Variants in RSU1 observed in about 807,000 individuals in gnomAD.
The protein encoded by RSU1 is Ras suppressor protein 1, also known as rsu-1.
Under a neutral mutation model 31.1 loss-of-function variants are expected in RSU1, and 26 were observed. The ratio of observed to expected loss-of-function variants is 0.84; its 90% CI spans 0.61 to 1.16. RSU1 has a LOEUF of 1.16. Ranked by LOEUF, RSU1 falls within the 50% of genes most tolerant of loss-of-function variation. The pLI is 0.00. For synonymous variants in RSU1, 164 were observed against 136.3 expected, an observed-to-expected ratio of 1.20 and a Z score of -1.41; for missense variants, 320 against 339.1, an observed-to-expected ratio of 0.94 and a Z score of 0.44.
At chr10:16,692,512 A>G (rs1411375255) in intron 8 of RSU1, among the ~76,000 whole-genome samples, 1 of 152,214 alleles carries the variant, frequency 6.6e-6, no homozygotes, top group Admixed American at 6.5e-5. Context: ...TTTTCTGTAT[A>G]CTATCATATA....
At chr10:16,794,660 C>A (rs1365750399) in intron 2 of RSU1, among the ~76,000 whole-genome samples, 3 of 152,158 alleles carry the variant, frequency 2.0e-5, no homozygotes, top group Non-Finnish European at 4.4e-5. Flanking sequence ...ATTCCACGGG[C>A]CAGCAGAATC....
rs1398675060 is a variant in RSU1, at chr10:16,624,696, G to C, written c.732-31200C>G. ...CTTTGACCTCTCTCTCTGAAATACT[G>C]GCTCTCTATCTGTGCACACTCTTTG... On this transcript the variant is annotated intron_variant, in intron 8 of 8. Transcript: ENST00000345264. Among the ~76,000 whole-genome samples the C allele has an allele frequency of 2.6e-5, 4 of 152,002 alleles. No homozygotes were observed. In the East Asian group the frequency reaches 7.7e-4, roughly 29 times the overall value.
At chr10:16,656,426 T>A (rs1278458942) in intron 8 of RSU1, among the ~76,000 whole-genome samples, 1 of 152,222 alleles carries the variant, frequency 6.6e-6, no homozygotes, top group Non-Finnish European at 1.5e-5. Flanking sequence ...TTGTTTCCAA[T>A]TGTTAGTATT....
chr10:16,658,584 C>T (rs113298171), intron 8 of RSU1, among the ~76,000 whole-genome samples: 3,327 of 152,038 alleles, frequency 0.022, 121 homozygotes, highest in African/African-American at 0.073. Context: ...ATTAACCGAG[C>T]GTGGTGGCAG....
intron 8 of RSU1, among the ~76,000 whole-genome samples, chr10:16,605,971 A>C (rs374698781): frequency 1.3e-5 from 2 of 151,572 alleles, no homozygotes; most frequent in South Asian, 4.2e-4. Context: ...ATTTTTTTTC[A>C]TAAACACCTG....
chr10:16,747,440 A>T (rs1385941630), intron 7 of RSU1, among the ~76,000 whole-genome samples: 7 of 152,038 alleles, frequency 4.6e-5, no homozygotes, highest in African/African-American at 1.7e-4. Context: ...TCCCTCTCCT[A>T]ATCTACTCTT....
At chr10:16,718,423 T>G (rs898367556) in intron 7 of RSU1, among the ~76,000 whole-genome samples, 1 of 152,224 alleles carries the variant, frequency 6.6e-6, no homozygotes, top group African/African-American at 2.4e-5. Context: ...ATTTATCATT[T>G]TATTTGATTA....
chr10:16,810,667 C>T (rs551763091), intron 2 of RSU1, among the ~76,000 whole-genome samples: 5 of 152,264 alleles, frequency 3.3e-5, no homozygotes, highest in South Asian at 2.1e-4. Context: ...CCATCACCAA[C>T]GTTTCCAAGA....
chr10:16,791,819 G>A (rs1249794943), intron 2 of RSU1, among the ~76,000 whole-genome samples: 1 of 152,120 alleles, frequency 6.6e-6, no homozygotes, highest in South Asian at 2.1e-4. Context: ...AGCCCTGTAA[G>A]ATGACATTAC....
At chr10:16,617,510 A>G (rs902385894) in intron 8 of RSU1, among the ~76,000 whole-genome samples, 1 of 152,194 alleles carries the variant, frequency 6.6e-6, no homozygotes, top group Non-Finnish European at 1.5e-5. Context: ...TGGAACCAAA[A>G]AAGAGCCCAT....
At chr10:16,620,921 G>C (rs754477321) in intron 8 of RSU1, among the ~76,000 whole-genome samples, 1 of 151,680 alleles carries the variant, frequency 6.6e-6, no homozygotes, top group Non-Finnish European at 1.5e-5. Flanking sequence ...TTTCCATTTT[G>C]AACAACAATG....
chr10:16,737,137 G>A (rs573018937), intron 7 of RSU1, among the ~76,000 whole-genome samples: 2 of 152,012 alleles, frequency 1.3e-5, no homozygotes, highest in East Asian at 3.9e-4. Flanking sequence ...TAAGTTCTAG[G>A]AGAGGAGAGA....
intron 2 of RSU1, among the ~76,000 whole-genome samples, chr10:16,789,574 GA>G (rs1291783458): frequency 3.3e-5 from 5 of 152,186 alleles, no homozygotes; most frequent in Non-Finnish European, 7.3e-5. Context: ...TGAGCTGTTA[GA>G]AAAGAAGGGA....
intron 2 of RSU1, among the ~76,000 whole-genome samples, chr10:16,795,353 C>CAAAAAAAAAAAAAA (rs532677802): frequency 1.3e-5 from 1 of 75,238 alleles, no homozygotes; most frequent in Non-Finnish European, 2.7e-5. Context: ...GACTCCATCT[C>CAAAAAAAAAAAAAA]AAAAAAAAAA....
chr10:16,634,949 C>T (rs2131495056), intron 8 of RSU1, among the ~76,000 whole-genome samples: 1 of 152,136 alleles, frequency 6.6e-6, no homozygotes, highest in East Asian at 1.9e-4. Flanking sequence ...GAAACATTTG[C>T]CTGGTTACTT....
chr10:16,705,247 C>G (rs770755218), intron 7 of RSU1, among the ~76,000 whole-genome samples: 2 of 152,128 alleles, frequency 1.3e-5, no homozygotes, highest in African/African-American at 2.4e-5. Context: ...ACAGTCATCT[C>G]TCAGTATCCA....
chr10:16,679,706 C>T (rs867790312), intron 8 of RSU1, among the ~76,000 whole-genome samples: 3 of 152,040 alleles, frequency 2.0e-5, no homozygotes, highest in African/African-American at 7.2e-5. Context: ...TTTCTGGGTC[C>T]ATTCCCAGCA....
chr10:16,675,029 T>C (rs910763912), intron 8 of RSU1, among the ~76,000 whole-genome samples: 2 of 151,390 alleles, frequency 1.3e-5, no homozygotes, highest in East Asian at 3.9e-4. Context: ...TGAGACCCTG[T>C]ATCAAAAATA....
At chr10:16,810,316 A>T (rs1342617082) in intron 2 of RSU1, among the ~76,000 whole-genome samples, 1 of 152,254 alleles carries the variant, frequency 6.6e-6, no homozygotes, top group Admixed American at 6.5e-5. Context: ...CCTATCATAA[A>T]AAAATACATT....
Sources: gnomAD v4.1 joint callset for allele counts (sites outside exome capture counted in the v4.1 genomes callset) on GRCh38, gnomAD v4.1.1 for gene constraint, MANE v1.5 for transcripts, NCBI Gene and HGNC (gene_info 2026-07-23, HGNC 2026-07-21) for gene names.